Variants in MAEA observed in about 807,000 individuals in gnomAD.
MAEA encodes the protein E3 ubiquitin-protein transferase MAEA.
A neutral mutation model predicts 46.2 loss-of-function variants in MAEA; 22 were observed. The observed-to-expected ratio is 0.48, with a 90% CI of 0.34 to 0.68. The LOEUF (loss-of-function observed/expected upper bound fraction) is 0.68. Ranked by LOEUF, MAEA falls within the 30% of genes least tolerant of loss-of-function variation. MAEA has a pLI of 0.01. For missense variants in MAEA, 393 were observed against 558.1 expected (o/e 0.70, Z 2.98); for synonymous variants, 246 against 222.6 (o/e 1.11, Z -0.94).
At chr4:1,315,215 G>A (rs887991636) in intron 2 of MAEA, among the ~76,000 whole-genome samples, 182 bp from the exon 3 acceptor site, 5 of 152,148 alleles carry the variant, frequency 3.3e-5, no homozygotes, top group South Asian at 4.1e-4. Context: ...CACTGCCTCC[G>A]TCTGCAGCTC....
intron 1 of MAEA, among the ~76,000 whole-genome samples, chr4:1,294,917 C>T (rs988424958): frequency 6.6e-6 from 1 of 151,960 alleles, no homozygotes; most frequent in Non-Finnish European, 1.5e-5. Context: ...CTCTGTGGAC[C>T]GTGTTGAAGT....
chr4:1,328,035 T>A (rs978042954), intron 5 of MAEA, among the ~76,000 whole-genome samples: 1 of 152,136 alleles, frequency 6.6e-6, no homozygotes, highest in Non-Finnish European at 1.5e-5. Flanking sequence ...CTTTCCACAT[T>A]GGAAAGTGCC....
intron 1 of MAEA, among the ~76,000 whole-genome samples, chr4:1,293,639 T>A (rs1734336372): frequency 6.6e-6 from 1 of 152,174 alleles, no homozygotes; most frequent in African/African-American, 2.4e-5. Flanking sequence ...ACCTCTCCTC[T>A]CCTGGAGCCC....
chr4:1,300,344 A>G (rs1735192119), intron 1 of MAEA, among the ~76,000 whole-genome samples: 1 of 152,228 alleles, frequency 6.6e-6, no homozygotes, highest in Admixed American at 6.5e-5. Context: ...TGAAAGGGAC[A>G]CCAAGAAGGG....
At chr4:1,306,802 C>A (rs970499338) in intron 1 of MAEA, among the ~76,000 whole-genome samples, 1 of 152,148 alleles carries the variant, frequency 6.6e-6, no homozygotes, top group Admixed American at 6.5e-5. Context: ...CCCTTGTTTC[C>A]TTCTAAGGAG....
chr4:1,315,558 C>G lies in MAEA; in HGVS notation c.414C>G (p.Tyr138Ter), dbSNP rs773028748. The change falls in exon 3 of 9, where the codon TAC becomes TAG. Residue 138 changes from tyrosine to a stop codon, truncating the protein, a stop_gained. Transcript: ENST00000303400. LOFTEE classifies it high-confidence loss of function. Reference protein sequence around the residue: ...MMVEHLLRCGYYNTAVKLARQ... With the variant: ...MMVEHLLRCG ...TGGAGCACCTGCTGCGTTGCGGCTACTACAACACGGCTGTCAAGCTGGCGC... is the reference window on the plus strand; with the variant it reads ...TGGAGCACCTGCTGCGTTGCGGCTAGTACAACACGGCTGTCAAGCTGGCGC... 1 of 1,613,328 alleles carries G rather than the reference C, an allele frequency of 6.2e-7. No individual in the cohort carries two copies. The highest frequency in any genetic ancestry group is 1.3e-5 in the African/African-American group (1 of 74,916).
At chr4:1,310,089 C>G (rs1046397365) in intron 1 of MAEA, 6 of 944,906 alleles carry the variant, frequency 6.3e-6, no homozygotes, top group Admixed American at 1.1e-4. Flanking sequence ...CTGTCCTGCT[C>G]TTGTGAGGCG....
chr4:1,319,283 G>A (rs1737704084), intron 3 of MAEA, among the ~76,000 whole-genome samples: 1 of 150,732 alleles, frequency 6.6e-6, no homozygotes, highest in Admixed American at 6.6e-5. Flanking sequence ...AGCCCAGGAG[G>A]TGGAGGCTGC....
intron 3 of MAEA, among the ~76,000 whole-genome samples, chr4:1,316,927 G>C (rs1167760661): frequency 2.1e-5 from 3 of 143,898 alleles, no homozygotes; most frequent in African/African-American, 8.0e-5. Flanking sequence ...CTCACCCCCA[G>C]GCCCACCCGG....
chr4:1,329,622 G>A, intron 5 of MAEA: 1 of 985,526 alleles, frequency 1.0e-6, no homozygotes, highest in Non-Finnish European at 1.2e-6. Context: ...TTCTCCAGGT[G>A]CCAGGGCCTG....
chr4:1,323,758 C>T lies in MAEA; in HGVS notation c.579+1255C>T. On this transcript the variant is annotated intron_variant, in intron 4 of 8. Coordinates refer to ENST00000303400, the MANE Select transcript of MAEA (RefSeq NM_001017405.3). ...TCTTGGTGCTGCCAGGATATTCCTGCAAGCCCTAATTACCTGCCGGACAGT... is the reference window on the plus strand; with the variant it reads ...TCTTGGTGCTGCCAGGATATTCCTGTAAGCCCTAATTACCTGCCGGACAGT... The T allele has an allele frequency of 6.3e-6, 4 of 633,026 alleles. 1 individual carries two copies. In the South Asian group the frequency reaches 7.1e-5, roughly 11 times the overall value. The allele number at this position is 633,026 out of a possible 1,614,324, so 39.2% of individuals were successfully genotyped here.
At chr4:1,329,733 G>C (rs1739299733) in intron 5 of MAEA, 7 of 985,678 alleles carry the variant, frequency 7.1e-6, no homozygotes, top group Non-Finnish European at 8.4e-6. Context: ...CAGGACGTTT[G>C]TGGGGTGAGG....
rs1311220038 is a variant in MAEA at position 1,312,099 on chromosome 4, G to A, written c.190G>A (p.Val64Met). ...LEKTLSGCPA[V>M]DSVVSLLDGV... The stretch of plus-strand genomic sequence containing the variant: ...GAAGACGTTGAGCGGCTGCCCCGCC[G>A]TGGACTCCGTGGTCAGCCTGCTGGA... The change falls in exon 2 of 9, where the codon GTG (valine) becomes ATG (methionine). Residue 64 changes from valine to methionine, a missense_variant. Val to Met is a conservative substitution (Grantham distance 21). Transcript: ENST00000303400. 2.2e-5 allele frequency: 36 copies of A among 1,613,866 alleles called. No homozygotes were observed. The highest frequency in any genetic ancestry group is 6.6e-5 in the South Asian group (6 of 91,080).
intron 1 of MAEA, among the ~76,000 whole-genome samples, chr4:1,306,512 C>G (rs973197612): frequency 2.6e-5 from 4 of 152,072 alleles, no homozygotes; most frequent in African/African-American, 9.7e-5. Context: ...GAGACTGTGT[C>G]TCAAGAAAAA....
chr4:1,338,315 C>A, intron 7 of MAEA, 107 bp from the exon 8 acceptor site: 2 of 835,086 alleles, frequency 2.4e-6, no homozygotes. Context: ...AGCATGGCGC[C>A]CACATAGCCA....
chr4:1,326,604 G>C (rs1214698831), intron 4 of MAEA, among the ~76,000 whole-genome samples: 1 of 152,126 alleles, frequency 6.6e-6, no homozygotes, highest in Non-Finnish European at 1.5e-5. Flanking sequence ...GTGGGACTTG[G>C]TCCTGCAGGA....
At chr4:1,337,265 A>G in intron 7 of MAEA, 1 of 483,674 alleles carries the variant, frequency 2.1e-6, no homozygotes, top group South Asian at 2.3e-5. Context: ...TAAAAGCCCG[A>G]TTTTGATGTG....
chr4:1,300,736 C>G (rs1735239550), intron 1 of MAEA, among the ~76,000 whole-genome samples: 1 of 152,376 alleles, frequency 6.6e-6, no homozygotes, highest in African/African-American at 2.4e-5. Context: ...GTGCACACAA[C>G]AGGGAGCGCA....
At chr4:1,322,875 G>A (rs946993436) in intron 4 of MAEA, among the ~76,000 whole-genome samples, 2 of 150,604 alleles carry the variant, frequency 1.3e-5, no homozygotes, top group Admixed American at 1.3e-4. Flanking sequence ...AGAAAAGCTG[G>A]TTGGGAAGTC....
Sources: allele counts gnomAD v4.1 joint callset (sites outside exome capture counted in the v4.1 genomes callset), GRCh38; gene constraint gnomAD v4.1.1; transcripts MANE v1.5; gene names NCBI Gene and HGNC (gene_info 2026-07-23, HGNC 2026-07-21).